The following STAG1 variants were observed in gnomAD, a reference collection of about 807,000 sequenced individuals.
The protein encoded by STAG1 is cohesin subunit SA-1.
Under a neutral mutation model 170.9 loss-of-function variants are expected in STAG1, and 26 were observed. That is an observed-to-expected ratio of 0.15 (90% CI 0.11 to 0.21). STAG1 has a LOEUF of 0.21. STAG1 is among the 10% of genes least tolerant of loss of function. The pLI, the probability that STAG1 is intolerant of heterozygous loss-of-function variation, is 1.00. For synonymous variants in STAG1, 514 were observed against 497.7 expected (o/e 1.03, Z -0.44); for missense variants, 964 against 1,509.5 (o/e 0.64, Z 5.99).
At chr3:136,531,485 C>T (rs1214200166) in intron 6 of STAG1, among the ~76,000 whole-genome samples, 1 of 149,074 alleles carries the variant, frequency 6.7e-6, no homozygotes, top group Non-Finnish European at 1.5e-5. Flanking sequence ...GCATTATTCA[C>T]AATAGCAAAG....
intron 21 of STAG1, among the ~76,000 whole-genome samples, chr3:136,415,208 T>A (rs1249589793): frequency 6.6e-6 from 1 of 151,882 alleles, no homozygotes; most frequent in African/African-American, 2.4e-5. Context: ...ACCTTCAATT[T>A]GAAAAAAACC....
intron 28 of STAG1, among the ~76,000 whole-genome samples, chr3:136,352,274 ACCTCAG>A (rs1359925694): frequency 6.6e-6 from 1 of 151,994 alleles, no homozygotes; most frequent in Non-Finnish European, 1.5e-5. Context: ...CCATCTTCCC[ACCTCAG>A]CCTCCCGAGT....
intron 14 of STAG1, among the ~76,000 whole-genome samples, chr3:136,445,712 G>A (rs1276070414): frequency 6.6e-6 from 1 of 152,168 alleles, no homozygotes; most frequent in Non-Finnish European, 1.5e-5. Context: ...ATATTTGGCA[G>A]ATTATACCTT....
At chr3:136,721,626 T>C (rs1933274523) in intron 1 of STAG1, 1 of 151,968 alleles carries the variant, frequency 6.6e-6, no homozygotes, top group African/African-American at 2.4e-5. Context: ...GCGGTGACTC[T>C]CGCCTGTAAT....
chr3:136,550,263 C>T (rs377297532), intron 5 of STAG1, among the ~76,000 whole-genome samples: 3 of 151,310 alleles, frequency 2.0e-5, no homozygotes, highest in Non-Finnish European at 4.4e-5. Flanking sequence ...GATACTGGGA[C>T]TTTTCTTTGT....
At chr3:136,630,471 T>G (rs1333308906) in intron 2 of STAG1, among the ~76,000 whole-genome samples, 1 of 152,144 alleles carries the variant, frequency 6.6e-6, no homozygotes, top group Non-Finnish European at 1.5e-5. Flanking sequence ...ACTAAATATT[T>G]TAGGCTTTCC....
intron 3 of STAG1, among the ~76,000 whole-genome samples, chr3:136,613,511 G>A (rs1399328663): frequency 6.6e-6 from 1 of 151,902 alleles, no homozygotes; most frequent in Non-Finnish European, 1.5e-5. Context: ...TTTTAAGATG[G>A]AGTCTTACTC....
chr3:136,510,992 G>T (rs558617373), intron 7 of STAG1, among the ~76,000 whole-genome samples: 2 of 151,932 alleles, frequency 1.3e-5, no homozygotes, highest in African/African-American at 2.4e-5. Context: ...GGCTAGTCTC[G>T]AACTCCTGAC....
At chr3:136,521,175 A>C (rs765539571) in intron 7 of STAG1, 38 bp downstream of exon 7, 1 of 1,542,378 alleles carries the variant, frequency 6.5e-7, no homozygotes, top group African/African-American at 1.4e-5. Context: ...ATAGTCAACA[A>C]AACTAAATGA....
At chr3:136,569,684 G>T (rs527749047) in intron 4 of STAG1, among the ~76,000 whole-genome samples, 1 of 151,936 alleles carries the variant, frequency 6.6e-6, no homozygotes, top group South Asian at 2.1e-4. Flanking sequence ...TTAATAATAG[G>T]AAAATTTGAC....
At chr3:136,550,958 C>T (rs143387803) in intron 5 of STAG1, among the ~76,000 whole-genome samples, 4 of 151,986 alleles carry the variant, frequency 2.6e-5, no homozygotes, top group Non-Finnish European at 4.4e-5. Context: ...AAGTCACTAT[C>T]GATATGACTA....
chr3:136,355,584 A>T (rs185415136), intron 28 of STAG1, among the ~76,000 whole-genome samples: 74 of 152,274 alleles, frequency 4.9e-4, no homozygotes, highest in Non-Finnish European at 3.2e-4. Context: ...ACTAGACAGA[A>T]CACACATCTA....
chr3:136,581,799 T>C (rs1165849432), intron 4 of STAG1, among the ~76,000 whole-genome samples: 1 of 152,082 alleles, frequency 6.6e-6, no homozygotes, highest in Non-Finnish European at 1.5e-5. Flanking sequence ...TACCATATAT[T>C]AAAAATTCAC....
intron 1 of STAG1, among the ~76,000 whole-genome samples, chr3:136,648,012 G>A (rs1356313902): frequency 6.6e-6 from 1 of 152,200 alleles, no homozygotes; most frequent in Non-Finnish European, 1.5e-5. Context: ...GATGAAGACA[G>A]ATTGTCAGGG....
chr3:136,521,858 A>G lies in STAG1; in HGVS notation c.472-441T>C, dbSNP rs1037742011. Reference sequence around the variant, plus strand: ...GAATTTTTAAGAAGTGAGAATTTCAAAAGTATAAGCATTTCATTGGGAAGT... The same window carrying G: ...GAATTTTTAAGAAGTGAGAATTTCAGAAGTATAAGCATTTCATTGGGAAGT... On this transcript the variant is annotated intron_variant, in intron 6 of 33. Transcript: ENST00000383202. Among the ~76,000 whole-genome samples the G allele has an allele frequency of 2.0e-5, 3 of 152,238 alleles. No homozygotes were observed. In the East Asian group the frequency reaches 5.8e-4, roughly 29 times the overall value.
intron 6 of STAG1, among the ~76,000 whole-genome samples, chr3:136,524,579 C>T (rs990580255): frequency 1.3e-5 from 2 of 152,122 alleles, no homozygotes; most frequent in South Asian, 2.1e-4. Flanking sequence ...TAATTGAATA[C>T]CCTTTATTTC....
At chr3:136,630,436 C>T (rs890086322) in intron 2 of STAG1, among the ~76,000 whole-genome samples, 2 of 152,066 alleles carry the variant, frequency 1.3e-5, no homozygotes, top group East Asian at 1.9e-4. Context: ...TAGGTGACAC[C>T]AAACTATTTT....
chr3:136,478,054 T>C (rs2089802181), intron 9 of STAG1, among the ~76,000 whole-genome samples: 1 of 152,136 alleles, frequency 6.6e-6, no homozygotes, highest in Non-Finnish European at 1.5e-5. Context: ...CCTCCCAAAG[T>C]GCTGGGATTA....
intron 1 of STAG1, among the ~76,000 whole-genome samples, chr3:136,640,993 T>C (rs779616024): frequency 2.2e-4 from 33 of 152,170 alleles, no homozygotes; most frequent in Non-Finnish European, 5.9e-5. Flanking sequence ...TAACATTTTA[T>C]CTGAAAATCT....
Sources: gnomAD v4.1 joint callset for allele counts (sites outside exome capture counted in the v4.1 genomes callset) on GRCh38, gnomAD v4.1.1 for gene constraint, MANE v1.5 for transcripts, NCBI Gene and HGNC (gene_info 2026-07-23, HGNC 2026-07-21) for gene names.